SRPK2: variants seen among roughly 807,000 people sequenced by gnomAD.
The protein encoded by SRPK2 is SRSF protein kinase 2.
Under a neutral mutation model 90.8 loss-of-function variants are expected in SRPK2, and 21 were observed. The observed-to-expected ratio is 0.23, with a 90% CI of 0.16 to 0.33. The LOEUF is 0.33. Ranked by LOEUF, SRPK2 falls within the 10% of genes least tolerant of loss-of-function variation. The pLI is 1.00. For missense variants in SRPK2, 620 were observed against 869.0 expected (o/e 0.71, Z 3.60); for synonymous variants, 288 against 311.1 (o/e 0.93, Z 0.78).
At chr7:105,127,477 C>T (rs1801367213) in intron 13 of SRPK2, among the ~76,000 whole-genome samples, 1 of 152,200 alleles carries the variant, frequency 6.6e-6, no homozygotes, top group Non-Finnish European at 1.5e-5. Flanking sequence ...GACACTGCTG[C>T]GTCTTTTAGG....
intron 2 of SRPK2, among the ~76,000 whole-genome samples, chr7:105,330,260 C>T (rs761289264): frequency 1.1e-4 from 16 of 151,542 alleles, no homozygotes; most frequent in Non-Finnish European, 1.5e-4. Flanking sequence ...TGGCGTCAAC[C>T]CAGGAGGTGG....
At chr7:105,314,906 T>C (rs1812149499) in intron 2 of SRPK2, among the ~76,000 whole-genome samples, 1 of 152,204 alleles carries the variant, frequency 6.6e-6, no homozygotes, top group East Asian at 1.9e-4. Flanking sequence ...ACAGGAAATA[T>C]GCTTAGAATA....
intron 2 of SRPK2, among the ~76,000 whole-genome samples, chr7:105,303,025 G>A (rs958998748): frequency 6.6e-6 from 1 of 152,030 alleles, no homozygotes; most frequent in Admixed American, 6.6e-5. Flanking sequence ...AGCAAGCCTA[G>A]TTTGCGCCGC....
chr7:105,303,576 TG>T (rs1410164266), intron 2 of SRPK2, among the ~76,000 whole-genome samples: 1 of 152,124 alleles, frequency 6.6e-6, no homozygotes, highest in East Asian at 1.9e-4. Context: ...TATTCTTATA[TG>T]AAAATTAATT....
intron 2 of SRPK2, among the ~76,000 whole-genome samples, chr7:105,262,933 T>C (rs994624430): frequency 4.6e-5 from 7 of 152,194 alleles, no homozygotes; most frequent in Non-Finnish European, 1.0e-4. Context: ...ACATTCACTT[T>C]GGAAAACTGA....
intron 2 of SRPK2, among the ~76,000 whole-genome samples, chr7:105,348,606 A>G (rs1816760251): frequency 2.0e-5 from 3 of 151,280 alleles, no homozygotes; most frequent in East Asian, 4.0e-4. Flanking sequence ...GTATTTTAGT[A>G]GAGATGAGAT....
At chr7:105,230,892 G>A (rs1020015687) in intron 2 of SRPK2, among the ~76,000 whole-genome samples, 27 of 152,102 alleles carry the variant, frequency 1.8e-4, no homozygotes, top group African/African-American at 6.3e-4. Flanking sequence ...CCAACATATT[G>A]TTAATACTAT....
intron 2 of SRPK2, among the ~76,000 whole-genome samples, chr7:105,235,904 TC>T (rs1800070649): frequency 6.6e-6 from 1 of 152,208 alleles, no homozygotes; most frequent in African/African-American, 2.4e-5. Context: ...GGGGATAATT[TC>T]TTGGGGAAAG....
intron 2 of SRPK2, among the ~76,000 whole-genome samples, chr7:105,206,980 C>T (rs1413187890): frequency 6.6e-6 from 1 of 152,210 alleles, no homozygotes; most frequent in East Asian, 1.9e-4. Flanking sequence ...ACTCAAATCA[C>T]TCAGTTCATC....
At chr7:105,358,679 C>A (rs1040380125) in intron 2 of SRPK2, among the ~76,000 whole-genome samples, 1 of 151,772 alleles carries the variant, frequency 6.6e-6, no homozygotes, top group African/African-American at 2.4e-5. Flanking sequence ...GAACAAGAGA[C>A]CCTGTCTCAA....
rs751774039 is a variant in SRPK2, at chr7:105,160,647, C to G, written c.515-34G>C. The G allele has an allele frequency of 4.6e-6, 6 of 1,307,910 alleles. No homozygotes were observed. In the African/African-American group the frequency reaches 8.7e-5, roughly 19 times the overall value. 81.0% of individuals were successfully genotyped at this position (1,307,910 alleles called of 1,614,324 possible). A position where few individuals can be genotyped will look rare whatever the true frequency, so the allele number is the denominator to read the frequency against. ...CAGTTAAGGATCGTTTGTGGATGCA[C>G]TGCCTGGAGTGAGGCAGTTATTGAA... On this transcript the variant is annotated intron_variant, in intron 6 of 15. Transcript: ENST00000393651.
intron 1 of SRPK2, among the ~76,000 whole-genome samples, chr7:105,394,870 T>C (rs1414721970): frequency 6.6e-6 from 1 of 152,166 alleles, no homozygotes; most frequent in East Asian, 1.9e-4. Flanking sequence ...ATCATTTTTA[T>C]TTAAAAACAA....
chr7:105,281,887 A>G (rs1807394279), intron 2 of SRPK2, among the ~76,000 whole-genome samples: 1 of 152,180 alleles, frequency 6.6e-6, no homozygotes, highest in African/African-American at 2.4e-5. Flanking sequence ...ATATTCCCCA[A>G]ATTAATCCAC....
intron 2 of SRPK2, among the ~76,000 whole-genome samples, chr7:105,274,633 C>T (rs1265822861): frequency 7.8e-6 from 1 of 127,984 alleles, no homozygotes; most frequent in African/African-American, 2.6e-5. Flanking sequence ...GGGGCTCCAC[C>T]TCAAAGAAAG....
At chr7:105,353,475 G>A (rs902773268) in intron 2 of SRPK2, among the ~76,000 whole-genome samples, 1 of 151,910 alleles carries the variant, frequency 6.6e-6, no homozygotes, top group African/African-American at 2.4e-5. Context: ...AAGTAGCTGG[G>A]ATTACAGGAG....
intron 2 of SRPK2, among the ~76,000 whole-genome samples, chr7:105,346,142 T>C (rs1394048578): frequency 6.6e-6 from 1 of 152,238 alleles, no homozygotes; most frequent in Non-Finnish European, 1.5e-5. Context: ...TTCTAAGGTT[T>C]TCTAATCCAG....
At chr7:105,358,242 A>C (rs1818022015) in intron 2 of SRPK2, among the ~76,000 whole-genome samples, 1 of 150,904 alleles carries the variant, frequency 6.6e-6, no homozygotes, top group Admixed American at 6.6e-5. Context: ...AAAAAAAAAA[A>C]AAACACCCCA....
At chr7:105,159,464 A>AAAAAAAAAAAAAAAAAC in intron 7 of SRPK2, among the ~76,000 whole-genome samples, 1 of 141,674 alleles carries the variant, frequency 7.1e-6, no homozygotes, top group African/African-American at 2.9e-5. Context: ...AAAAAAAAAA[A>AAAAAAAAAAAAAAAAAC]AAAAAAAAAC....
intron 2 of SRPK2, chr7:105,204,907 T>G: frequency 2.6e-6 from 1 of 387,984 alleles, no homozygotes; most frequent in South Asian, 2.2e-5. Flanking sequence ...TAGATTTCCT[T>G]TTGGAACACT....
Sources: gnomAD v4.1 joint callset for allele counts (sites outside exome capture counted in the v4.1 genomes callset) on GRCh38, gnomAD v4.1.1 for gene constraint, MANE v1.5 for transcripts, NCBI Gene and HGNC (gene_info 2026-07-23, HGNC 2026-07-21) for gene names.